The following RBFOX1 variants were observed in gnomAD, a reference collection of about 807,000 sequenced individuals.
RBFOX1 encodes the protein RNA binding protein fox-1 homolog 1.
Under a neutral mutation model 57.7 loss-of-function variants are expected in RBFOX1, and 8 were observed. The ratio of observed to expected loss-of-function variants is 0.14; its 90% CI spans 0.08 to 0.25. The LOEUF is 0.25. RBFOX1 is among the 10% of genes least tolerant of loss of function. The pLI is 1.00. For missense variants in RBFOX1, 611 were observed against 548.5 expected, an observed-to-expected ratio of 1.11 and a Z score of -1.14; for synonymous variants, 326 against 222.4, an observed-to-expected ratio of 1.47 and a Z score of -4.15.
At chr16:6,602,996 C>G (rs1367688317) in intron 2 of RBFOX1, among the ~76,000 whole-genome samples, 1 of 151,982 alleles carries the variant, frequency 6.6e-6, no homozygotes, top group Non-Finnish European at 1.5e-5. Context: ...TCAGTGCACC[C>G]AAGGAAAAAG....
intron 3 of RBFOX1, among the ~76,000 whole-genome samples, chr16:6,865,844 T>G (rs978128066): frequency 3.1e-4 from 47 of 152,226 alleles, no homozygotes; most frequent in Non-Finnish European, 5.9e-4. Context: ...ACTTCTCTCT[T>G]TTTTGCGTGT....
At chr16:6,320,055 T>C (rs1451808123) in intron 2 of RBFOX1, among the ~76,000 whole-genome samples, 1 of 152,144 alleles carries the variant, frequency 6.6e-6, no homozygotes, top group African/African-American at 2.4e-5. Flanking sequence ...TTCAAAAGCA[T>C]ACTCTTAATA....
chr16:7,119,300 G>C (rs1185209384), intron 4 of RBFOX1, among the ~76,000 whole-genome samples: 1 of 152,008 alleles, frequency 6.6e-6, no homozygotes, highest in African/African-American at 2.4e-5. Flanking sequence ...CTATCCTCAG[G>C]TTTCCCTATG....
intron 1 of RBFOX1, among the ~76,000 whole-genome samples, chr16:6,257,887 A>T (rs1295945359): frequency 6.6e-6 from 1 of 152,186 alleles, no homozygotes; most frequent in Non-Finnish European, 1.5e-5. Flanking sequence ...GTGAACATAC[A>T]CATGGATGTG....
chr16:6,750,581 A>G (rs1318755923), intron 3 of RBFOX1, among the ~76,000 whole-genome samples: 1 of 152,248 alleles, frequency 6.6e-6, no homozygotes, highest in Non-Finnish European at 1.5e-5. Context: ...ATCTAAAGGC[A>G]TGCCTTGTTC....
At chr16:5,427,217 G>C (rs1194062636) in intron 1 of RBFOX1, among the ~76,000 whole-genome samples, 1 of 152,214 alleles carries the variant, frequency 6.6e-6, no homozygotes, top group South Asian at 2.1e-4. Context: ...ACCATCAGAT[G>C]TGTACCTGTG....
At chr16:6,315,532 CATGGATGGATGGATGGATGGATGGATGG>C (rs59618973) in intron 1 of RBFOX1, among the ~76,000 whole-genome samples, 1 of 141,862 alleles carries the variant, frequency 7.0e-6, no homozygotes, top group Non-Finnish European at 1.5e-5. Flanking sequence ...TGGGTGAGTA[CATGGATGGATGGATGGATGGATGGATGG>C]ATGGATGGAT....
chr16:7,461,484 A>C (rs1013316488), intron 4 of RBFOX1, among the ~76,000 whole-genome samples: 1 of 152,116 alleles, frequency 6.6e-6, no homozygotes, highest in African/African-American at 2.4e-5. Flanking sequence ...TTTTAAATAA[A>C]ATTTTATAGA....
intron 3 of RBFOX1, among the ~76,000 whole-genome samples, chr16:6,863,899 A>C (rs1567615262): frequency 1.3e-5 from 2 of 151,788 alleles, no homozygotes; most frequent in African/African-American, 4.8e-5. Flanking sequence ...ACAGTTACCA[A>C]TCCATTGCCA....
chr16:5,502,352 G>C (rs1467556130), intron 2 of RBFOX1, among the ~76,000 whole-genome samples: 1 of 149,464 alleles, frequency 6.7e-6, no homozygotes, highest in Non-Finnish European at 1.5e-5. Flanking sequence ...GACACTGTAA[G>C]GGTGGGATGT....
intron 2 of RBFOX1, among the ~76,000 whole-genome samples, chr16:6,548,688 TTCACGA>T (rs2096928805): frequency 6.6e-6 from 1 of 152,150 alleles, no homozygotes; most frequent in African/African-American, 2.4e-5. Flanking sequence ...GTCAGAAGAT[TTCACGA>T]TGTCGCAAGA....
At chr16:5,365,839 A>C (rs1285847432) in intron 1 of RBFOX1, 1 of 517,904 alleles carries the variant, frequency 1.9e-6, no homozygotes. Flanking sequence ...CTGAGGCCCC[A>C]GAACTGTCTT....
chr16:7,355,132 C>A (rs982016414), intron 4 of RBFOX1, among the ~76,000 whole-genome samples: 5 of 152,158 alleles, frequency 3.3e-5, no homozygotes, highest in African/African-American at 1.2e-4. Context: ...TGTGAGAAAA[C>A]TGAGCATCAG....
intron 3 of RBFOX1, among the ~76,000 whole-genome samples, chr16:6,745,291 C>A (rs1019079380): frequency 1.3e-5 from 2 of 151,952 alleles, no homozygotes; most frequent in Non-Finnish European, 2.9e-5. Context: ...TTTCCCAATC[C>A]ATTCTATGAG....
At chr16:7,208,643 C>A (rs2090478129) in intron 4 of RBFOX1, among the ~76,000 whole-genome samples, 1 of 152,056 alleles carries the variant, frequency 6.6e-6, no homozygotes, top group Non-Finnish European at 1.5e-5. Context: ...TCAGAGCAAC[C>A]TGGGCAACAT....
intron 14 of RBFOX1, among the ~76,000 whole-genome samples, chr16:7,698,264 C>T (rs1002159396): frequency 6.6e-6 from 1 of 151,624 alleles, no homozygotes; most frequent in African/African-American, 2.4e-5. Context: ...AAGATATGCC[C>T]CTTCCACCAT....
intron 5 of RBFOX1, among the ~76,000 whole-genome samples, chr16:7,566,296 C>G (rs993091781): frequency 9.9e-5 from 15 of 152,134 alleles, no homozygotes; most frequent in South Asian, 2.1e-4. Context: ...GAGCTAGGGC[C>G]TCATTCACCC....
At chr16:5,831,942 G>A (rs752247036) in intron 3 of RBFOX1, among the ~76,000 whole-genome samples, 2 of 152,194 alleles carry the variant, frequency 1.3e-5, no homozygotes, top group African/African-American at 4.8e-5. Context: ...CACATGGTAA[G>A]TATTCAAAAA....
chr16:6,583,377 G>A (rs1346182270), intron 2 of RBFOX1, among the ~76,000 whole-genome samples: 2 of 152,322 alleles, frequency 1.3e-5, no homozygotes, highest in Non-Finnish European at 2.9e-5. Flanking sequence ...TGCCAAACAA[G>A]AGGAATGATA....
Sources: gnomAD v4.1 joint callset for allele counts (sites outside exome capture counted in the v4.1 genomes callset) on GRCh38, gnomAD v4.1.1 for gene constraint, MANE v1.5 for transcripts, NCBI Gene and HGNC (gene_info 2026-07-23, HGNC 2026-07-21) for gene names.